MAGI2: variants seen among roughly 807,000 people sequenced by gnomAD.
MAGI2 encodes membrane associated guanylate kinase, WW and PDZ domain containing 2.
MAGI2 carries 35 observed loss-of-function variants against 133.3 expected under a neutral mutation model. The ratio of observed to expected loss-of-function variants is 0.26; its 90% CI spans 0.20 to 0.35. MAGI2 has a LOEUF of 0.35. Among genes scored for constraint, MAGI2 ranks in the 10% least tolerant of loss-of-function variants. The pLI is 1.00. For missense variants in MAGI2, 1,636 were observed against 1,863.4 expected (o/e 0.88, Z 2.25); for synonymous variants, 729 against 710.6 (o/e 1.03, Z -0.41).
chr7:78,624,228 T>C (rs780244061), intron 3 of MAGI2, among the ~76,000 whole-genome samples: 12 of 152,064 alleles, frequency 7.9e-5, no homozygotes, highest in Non-Finnish European at 1.5e-4. Flanking sequence ...GATCTTTGTC[T>C]GACAGATTGA....
chr7:78,392,181 G>T (rs952651398), intron 6 of MAGI2, among the ~76,000 whole-genome samples: 1 of 152,144 alleles, frequency 6.6e-6, no homozygotes, highest in African/African-American at 2.4e-5. Flanking sequence ...TCTGTAAGGG[G>T]TATTTATGCA....
chr7:78,933,615 T>C (rs934552661), intron 2 of MAGI2, among the ~76,000 whole-genome samples: 2 of 152,114 alleles, frequency 1.3e-5, no homozygotes, highest in African/African-American at 4.8e-5. Flanking sequence ...GACCAATAGA[T>C]AAATAGCTGA....
chr7:78,869,658 G>T (rs1794864708), intron 2 of MAGI2, among the ~76,000 whole-genome samples: 1 of 152,160 alleles, frequency 6.6e-6, no homozygotes, highest in South Asian at 2.1e-4. Flanking sequence ...GAGAGAGAGT[G>T]CTAGGAAGAG....
intron 1 of MAGI2, among the ~76,000 whole-genome samples, chr7:79,329,801 GT>G (rs1839936135): frequency 6.6e-6 from 1 of 152,118 alleles, no homozygotes; most frequent in South Asian, 2.1e-4. Flanking sequence ...AATATTAATA[GT>G]TTTTAAGCAT....
intron 1 of MAGI2, among the ~76,000 whole-genome samples, chr7:79,130,726 T>C (rs1410829038): frequency 6.6e-6 from 1 of 152,236 alleles, no homozygotes; most frequent in East Asian, 1.9e-4. Flanking sequence ...TAACCAATTT[T>C]CACTCATGAC....
intron 2 of MAGI2, among the ~76,000 whole-genome samples, chr7:78,746,568 A>C (rs891584248): frequency 6.6e-6 from 1 of 152,184 alleles, no homozygotes; most frequent in Non-Finnish European, 1.5e-5. Flanking sequence ...CACAGAAGTG[A>C]ATTTAAATTT....
intron 6 of MAGI2, among the ~76,000 whole-genome samples, chr7:78,444,447 A>G (rs1441787642): frequency 6.6e-6 from 1 of 152,074 alleles, no homozygotes; most frequent in Non-Finnish European, 1.5e-5. Flanking sequence ...ACCCACACTC[A>G]TACCCAGCAA....
rs1025583354 is a variant in MAGI2 at position 79,087,092 on chromosome 7, T to C, written c.302-79886A>G. ...AATTAATCAGATATACTCTACCATT[T>C]CCCTTCATAAATAAAAAGAAAAGAA... On this transcript the variant is annotated intron_variant, in intron 1 of 21. Coordinates refer to ENST00000354212, the MANE Select transcript of MAGI2 (RefSeq NM_012301.4). Among the ~76,000 whole-genome samples the C allele has an allele frequency of 3.3e-5, 5 of 151,898 alleles. No homozygotes were observed. In the South Asian group the frequency reaches 1.0e-3, roughly 32 times the overall value.
intron 21 of MAGI2, among the ~76,000 whole-genome samples, chr7:78,023,515 C>A (rs1485112877): frequency 4.6e-5 from 7 of 152,168 alleles, no homozygotes; most frequent in African/African-American, 1.7e-4. Context: ...GATGCTCTAA[C>A]TACAATTAGA....
chr7:78,131,068 G>A (rs911946331), intron 18 of MAGI2, among the ~76,000 whole-genome samples: 20 of 152,184 alleles, frequency 1.3e-4, no homozygotes, highest in African/African-American at 4.3e-4. Flanking sequence ...GAGATTAATC[G>A]ACAGTGGCAA....
intron 6 of MAGI2, among the ~76,000 whole-genome samples, chr7:78,410,801 G>A (rs1266921718): frequency 2.0e-5 from 3 of 151,844 alleles, no homozygotes; most frequent in Non-Finnish European, 4.4e-5. Context: ...CATGAAAGAT[G>A]ATGACTAGAC....
chr7:79,003,118 G>T (rs1807062502), intron 2 of MAGI2, among the ~76,000 whole-genome samples: 1 of 151,894 alleles, frequency 6.6e-6, no homozygotes, highest in African/African-American at 2.4e-5. Context: ...CAGGAAACAG[G>T]CTTCCTACCA....
chr7:79,143,127 T>C (rs1278771013), intron 1 of MAGI2, among the ~76,000 whole-genome samples: 1 of 152,212 alleles, frequency 6.6e-6, no homozygotes, highest in Non-Finnish European at 1.5e-5. Flanking sequence ...GAAAAATGTT[T>C]GTGGTAAGTT....
chr7:79,425,575 GT>G (rs1471019185), intron 1 of MAGI2, among the ~76,000 whole-genome samples: 11 of 26,226 alleles, frequency 4.2e-4, no homozygotes, highest in South Asian at 1.9e-3. Flanking sequence ...GAAAATAAGG[GT>G]TTTATATATA....
At chr7:78,831,233 C>T (rs1791123061) in intron 2 of MAGI2, among the ~76,000 whole-genome samples, 1 of 152,096 alleles carries the variant, frequency 6.6e-6, no homozygotes, top group Non-Finnish European at 1.5e-5. Flanking sequence ...TGTTTTTCCA[C>T]TCTTCAAAAC....
chr7:79,113,811 T>TACACACACACAC lies in MAGI2; in HGVS notation c.302-106617_302-106606dup, dbSNP rs3047688. 3.1e-3 allele frequency among the ~76,000 whole-genome samples: 455 copies of TACACACACACAC among 148,986 alleles called. 2 individuals are homozygous for TACACACACACAC. The highest frequency in any genetic ancestry group is 9.9e-3 in the African/African-American group (403 of 40,670). On this transcript the variant is annotated intron_variant, in intron 1 of 21. Transcript: ENST00000354212. ...ATAATCTCCTCCTATTACACACGCT[T>TACACACACACAC]ACACACACACACACACACACACACA...
At chr7:78,978,590 T>A (rs1247804539) in intron 2 of MAGI2, among the ~76,000 whole-genome samples, 1 of 151,890 alleles carries the variant, frequency 6.6e-6, no homozygotes, top group African/African-American at 2.4e-5. Flanking sequence ...ATGACGCATT[T>A]GTCAAAACCC....
chr7:79,004,912 G>A (rs1378239489), intron 2 of MAGI2, among the ~76,000 whole-genome samples: 11 of 151,796 alleles, frequency 7.2e-5, no homozygotes, highest in Admixed American at 6.6e-4. Context: ...GATAAACCCC[G>A]TCTCTACTAA....
intron 3 of MAGI2, among the ~76,000 whole-genome samples, chr7:78,553,962 G>A (rs1233903551): frequency 6.6e-6 from 1 of 152,114 alleles, no homozygotes; most frequent in African/African-American, 2.4e-5. Context: ...CCTGAAGTGG[G>A]ATTTGTATTA....
Sources: gnomAD v4.1 joint callset for allele counts (sites outside exome capture counted in the v4.1 genomes callset) on GRCh38, gnomAD v4.1.1 for gene constraint, MANE v1.5 for transcripts, NCBI Gene and HGNC (gene_info 2026-07-23, HGNC 2026-07-21) for gene names.